The following AXIN1 variants were observed in gnomAD, a reference collection of about 807,000 sequenced individuals.
AXIN1 encodes the protein axin 1.
AXIN1 carries 30 observed loss-of-function variants against 76.4 expected under a neutral mutation model. The observed-to-expected ratio is 0.39, with a 90% confidence interval of 0.29 to 0.53. The LOEUF (loss-of-function observed/expected upper bound fraction) is 0.53, where lower values mean the gene tolerates loss of function less well. Among genes scored for constraint, AXIN1 ranks in the 20% least tolerant of loss-of-function variants. AXIN1 has a pLI of 0.66. For synonymous variants in AXIN1, 545 were observed against 501.4 expected (o/e 1.09, Z -1.16); for missense variants, 1,140 against 1,198.8 (o/e 0.95, Z 0.72).
At chr16:343,235 A>C (rs1166498803) in intron 2 of AXIN1, among the ~76,000 whole-genome samples, 2 of 152,224 alleles carry the variant, frequency 1.3e-5, no homozygotes, top group African/African-American at 4.8e-5. Flanking sequence ...ATTTCATAGC[A>C]AAGGTTCCTT....
At position 323,331 on chromosome 16, in the gene AXIN1, C is replaced by T. The variant is rs1328381313; in HGVS notation, c.879-8648G>A. On this transcript the variant is annotated intron_variant, in intron 2 of 10. Transcript: ENST00000262320. ...GCGGGCACCTGTAGTCCCAGCTACT[C>T]GGGAGGCTGAGGCAGGAGAATGGCG... Among the ~76,000 whole-genome samples, 19 of 148,916 alleles carry T rather than the reference C, an allele frequency of 1.3e-4. No individual in the cohort carries two copies. The South Asian group carries it at 3.2e-3, about 25-fold the overall frequency.
In AXIN1 at chr16:347,094, G is replaced by C. The variant is rs1597127819; in HGVS notation, c.-69C>G. 13 of 1,610,938 alleles carry C rather than the reference G, an allele frequency of 8.1e-6. No individual in the cohort carries two copies. In the Middle Eastern group the frequency reaches 6.6e-4, roughly 82 times the overall value. On this transcript the variant is annotated 5_prime_UTR_variant, in exon 2 of 11. Coordinates refer to ENST00000262320, the MANE Select transcript of AXIN1 (RefSeq NM_003502.4). ...ACATCAGTACTTACAGCTCCAAAGTGAATCAATCTGTCCTGTTGAAACCAT... is the reference window on the plus strand; with the variant it reads ...ACATCAGTACTTACAGCTCCAAAGTCAATCAATCTGTCCTGTTGAAACCAT...
At position 288,032 on chromosome 16, in the gene AXIN1, C is replaced by T. The variant is rs569810675; in HGVS notation, c.*90G>A. The T allele has an allele frequency of 5.9e-4, 937 of 1,596,982 alleles. No homozygotes were observed. The highest frequency in any genetic ancestry group is 7.6e-4 in the Non-Finnish European group (890 of 1,171,978). ...TGGTACACCCAACACTGTTCCCCAT[C>T]GGGCTCCTGAGTACGAGGTCATCTG... On this transcript the variant is annotated 3_prime_UTR_variant, in exon 11 of 11. Coordinates refer to ENST00000262320, the MANE Select transcript of AXIN1 (RefSeq NM_003502.4).
chr16:289,794 G>A, intron 9 of AXIN1, 187 bp from the exon 10 acceptor site: 2 of 728,528 alleles, frequency 2.7e-6, no homozygotes, highest in Non-Finnish European at 4.6e-6. Flanking sequence ...CGCTAGCAGT[G>A]GAGTCGGCTC....
chr16:338,771 A>G (rs2053856179), intron 2 of AXIN1, among the ~76,000 whole-genome samples: 2 of 152,142 alleles, frequency 1.3e-5, no homozygotes, highest in Admixed American at 1.3e-4. Context: ...AAAAATACAT[A>G]AAGTAGCCAG....
chr16:333,834 C>T (rs1485140462), intron 2 of AXIN1, among the ~76,000 whole-genome samples: 1 of 151,942 alleles, frequency 6.6e-6, no homozygotes, highest in African/African-American at 2.4e-5. Flanking sequence ...AACACAGCAC[C>T]CAGTACCACA....
intron 10 of AXIN1, among the ~76,000 whole-genome samples, chr16:289,082 C>T (rs28533314): frequency 0.29 from 30,042 of 104,486 alleles, 3,314 homozygotes; most frequent in African/African-American, 0.42. Flanking sequence ...CCTTTTTCTT[C>T]TTTTTTTTTT....
intron 2 of AXIN1, among the ~76,000 whole-genome samples, chr16:324,768 C>G (rs915459770): frequency 2.0e-5 from 3 of 152,184 alleles, no homozygotes; most frequent in Non-Finnish European, 4.4e-5. Context: ...TCCCGACCCC[C>G]CGGAACAGCA....
Position 346,731 on chromosome 16 carries a change from T to C in AXIN1, c.295A>G (p.Ile99Val). 6.3e-7 allele frequency: 1 copy of C among 1,595,058 alleles called. No homozygotes were observed. Among genetic ancestry groups the C allele is most frequent in the Non-Finnish European group, 8.6e-7 (1 of 1,168,380 alleles). Residue 99 changes from isoleucine to valine, a missense_variant, in exon 2 of 11, where the codon ATA becomes GTA. Physicochemically the swap from Ile to Val is conservative, Grantham distance 29. This residue lies in a region of AXIN1 where 708 missense variants were observed against 776.9 expected (regional missense o/e 0.91). Coordinates refer to ENST00000262320, the MANE Select transcript of AXIN1 (RefSeq NM_003502.4). ...LHSLLDDQDGISLFRTFLKQE... is the reference protein window; with the variant it reads ...LHSLLDDQDGVSLFRTFLKQE... ...TTCAGGAAAGTCCTGAACAGGCTTA[T>C]CCCATCTTGGTCATCCAGCAGGGAA...
At chr16:340,459 G>A (rs2053894442) in intron 2 of AXIN1, among the ~76,000 whole-genome samples, 1 of 152,242 alleles carries the variant, frequency 6.6e-6, no homozygotes, top group African/African-American at 2.4e-5. Flanking sequence ...ACCTGGCAGG[G>A]GCATGCAAGG....
rs1340170939 is a variant in AXIN1, at chr16:288,025, TC to T, written c.*96del. Reference sequence around the variant, plus strand: ...GGATGGGTGGTACACCCAACACTGTTCCCCATCGGGCTCCTGAGTACGAGGT... The same window carrying T: ...GGATGGGTGGTACACCCAACACTGTTCCCATCGGGCTCCTGAGTACGAGGT... On this transcript the variant is annotated 3_prime_UTR_variant, in exon 11 of 11. Coordinates refer to ENST00000262320, the MANE Select transcript of AXIN1 (RefSeq NM_003502.4). 1.9e-6 allele frequency: 3 copies of T among 1,589,566 alleles called. No individual in the cohort carries two copies. In the East Asian group the frequency reaches 6.7e-5, roughly 36 times the overall value.
At chr16:307,364 T>C (rs1182763134) in intron 4 of AXIN1, among the ~76,000 whole-genome samples, 1 of 152,142 alleles carries the variant, frequency 6.6e-6, no homozygotes, top group Non-Finnish European at 1.5e-5. Context: ...TCTCCAGCTT[T>C]AGAGGAACAG....
chr16:344,647 CCTAT>C (rs879268807), intron 2 of AXIN1, among the ~76,000 whole-genome samples: 9 of 151,918 alleles, frequency 5.9e-5, no homozygotes, highest in Admixed American at 1.3e-4. Context: ...CGCCAACTCG[CCTAT>C]CTAATTTTTG....
chr16:318,095 A>G (rs903810992), intron 2 of AXIN1, among the ~76,000 whole-genome samples: 12 of 152,326 alleles, frequency 7.9e-5, no homozygotes, highest in East Asian at 7.7e-4. Context: ...CTTGGCACGC[A>G]CTGGAAGCAC....
intron 2 of AXIN1, among the ~76,000 whole-genome samples, chr16:318,534 C>CGTG (rs2053356691): frequency 6.6e-6 from 1 of 152,164 alleles, no homozygotes; most frequent in Non-Finnish European, 1.5e-5. Flanking sequence ...CGGGCTTGGC[C>CGTG]TTCACTACCA....
At chr16:326,904 GC>G (rs913646237) in intron 2 of AXIN1, among the ~76,000 whole-genome samples, 1 of 151,930 alleles carries the variant, frequency 6.6e-6, no homozygotes, top group Non-Finnish European at 1.5e-5. Flanking sequence ...AGTTTGGGAG[GC>G]CGAGGCGGGG....
At chr16:318,512 G>A (rs954962582) in intron 2 of AXIN1, among the ~76,000 whole-genome samples, 1 of 152,224 alleles carries the variant, frequency 6.6e-6, no homozygotes. Context: ...TGTACCTGAA[G>A]ACACAGGCGG....
intron 3 of AXIN1, among the ~76,000 whole-genome samples, chr16:313,504 G>C (rs1229169458): frequency 1.3e-5 from 2 of 152,228 alleles, no homozygotes; most frequent in African/African-American, 4.8e-5. Context: ...GGGATGGAGG[G>C]TGGTGGTCCG....
intron 2 of AXIN1, among the ~76,000 whole-genome samples, chr16:326,372 A>AAAAAAAAAAAAAAAAATATAT (rs1380874299): frequency 1.2e-5 from 1 of 86,470 alleles, no homozygotes; most frequent in African/African-American, 5.8e-5. Context: ...AAAAAAAAAA[A>AAAAAAAAAAAAAAAAATATAT]ATATATATAT....
Sources: gnomAD v4.1 joint callset for allele counts (sites outside exome capture counted in the v4.1 genomes callset) on GRCh38, gnomAD v4.1.1 for gene constraint, gnomAD v4.1.1 regional missense constraint, MANE v1.5 for transcripts, NCBI Gene and HGNC (gene_info 2026-07-23, HGNC 2026-07-21) for gene names.